The following ZNF474 variants were observed in gnomAD, a reference collection of about 807,000 sequenced individuals.
ZNF474 encodes the protein 4933409D10Rik.
For synonymous variants in ZNF474, 192 were observed against 162.2 expected (o/e 1.18, Z -1.39); for missense variants, 511 against 433.8 (o/e 1.18, Z -1.58).
rs969242314 is a variant in ZNF474 at position 122,144,622 on chromosome 5, A to G, written c.-212-7157A>G. Among the ~76,000 whole-genome samples the G allele has an allele frequency of 1.6e-4, 24 of 152,362 alleles. 1 individual carries two copies. The highest frequency in any genetic ancestry group is 5.3e-4 in the African/African-American group (22 of 41,588). On this transcript the variant is annotated intron_variant, in intron 1 of 1. Coordinates refer to ENST00000296600, the MANE Select transcript of ZNF474 (RefSeq NM_207317.3). ...ACATAGCTATGGACCAGATGTGCCTATGAGCCAATGCTTAAACAATATTGA... is the reference window on the plus strand; with the variant it reads ...ACATAGCTATGGACCAGATGTGCCTGTGAGCCAATGCTTAAACAATATTGA...
At chr5:122,133,993 C>T (rs1294367114) in intron 1 of ZNF474, among the ~76,000 whole-genome samples, 1 of 152,202 alleles carries the variant, frequency 6.6e-6, no homozygotes. Flanking sequence ...TATTTTAACT[C>T]ATTTTCCCAG....
chr5:122,142,191 C>G (rs1755862621), intron 1 of ZNF474, among the ~76,000 whole-genome samples: 1 of 152,026 alleles, frequency 6.6e-6, no homozygotes, highest in Non-Finnish European at 1.5e-5. Context: ...ACTTAAAGCT[C>G]AGATAGATAG....
Position 122,151,945 on chromosome 5 carries a change from T to C in ZNF474, c.-46T>C. 6.4e-7 allele frequency: 1 copy of C among 1,562,876 alleles called. No individual in the cohort carries two copies. The highest frequency in any genetic ancestry group is 1.2e-5 in the South Asian group (1 of 81,234). ...ACTCTAAGCAGAAGCCCAAAGTGAG[T>C]CTGGCCTGAAATCAGAGCAAGCACT... On this transcript the variant is annotated 5_prime_UTR_variant, in exon 2 of 2. Transcript: ENST00000296600.
intron 1 of ZNF474, among the ~76,000 whole-genome samples, chr5:122,142,775 T>C (rs959028034): frequency 2.6e-4 from 40 of 152,176 alleles, no homozygotes; most frequent in African/African-American, 8.9e-4. Flanking sequence ...CATAGAAGGA[T>C]GAGAGATGTG....
chr5:122,138,821 A>G (rs571061622), intron 1 of ZNF474, among the ~76,000 whole-genome samples: 2 of 152,210 alleles, frequency 1.3e-5, no homozygotes, highest in Admixed American at 1.3e-4. Flanking sequence ...CATGTGTCTG[A>G]ACAATTGGAA....
At position 122,151,750 on chromosome 5, in the gene ZNF474, C is replaced by A. The variant is rs1190205087; in HGVS notation, c.-212-29C>A. 1.0e-5 allele frequency: 4 copies of A among 382,594 alleles called. No individual in the cohort carries two copies. In the East Asian group the frequency reaches 1.5e-4, roughly 14 times the overall value. 23.7% of individuals were successfully genotyped at this position (382,594 alleles called of 1,614,324 possible). A position where few individuals can be genotyped will look rare whatever the true frequency, so the allele number is the denominator to read the frequency against. ...GTGTGTGTGTGTGTTTACATAATAA[C>A]TTCTTATGTCTCCCACCCGCCTCCA... On this transcript the variant is annotated intron_variant, in intron 1 of 1. Transcript: ENST00000296600.
At chr5:122,142,552 T>C (rs950768810) in intron 1 of ZNF474, among the ~76,000 whole-genome samples, 2 of 152,204 alleles carry the variant, frequency 1.3e-5, no homozygotes, top group African/African-American at 4.8e-5. Flanking sequence ...ACACAAAGAA[T>C]GAACGTTTCC....
At position 122,153,456 on chromosome 5, in the gene ZNF474, A is replaced by T. The variant is rs79374782; in HGVS notation, c.*371A>T. On this transcript the variant is annotated 3_prime_UTR_variant, in exon 2 of 2. Transcript: ENST00000296600. Reference sequence around the variant, plus strand: ...TTTATTTTAGTCATCTACCTTAGGAATTCATTTTTGGCAATGCTGGGTTAT... The same window carrying T: ...TTTATTTTAGTCATCTACCTTAGGATTTCATTTTTGGCAATGCTGGGTTAT... 9.9e-6 allele frequency: 2 copies of T among 202,074 alleles called. No individual in the cohort carries two copies. The highest frequency in any genetic ancestry group is 2.2e-5 in the Non-Finnish European group (2 of 91,114). The allele number at this position is 202,074 out of a possible 1,614,324, so 12.5% of individuals were successfully genotyped here.
In ZNF474 at chr5:122,132,798, G is replaced by A. The variant is rs183704608; in HGVS notation, c.-213+3115G>A. 2.4e-4 allele frequency among the ~76,000 whole-genome samples: 37 copies of A among 152,266 alleles called. No homozygotes were observed. The East Asian group carries it at 7.0e-3, about 29-fold the overall frequency. On this transcript the variant is annotated intron_variant, in intron 1 of 1. Coordinates refer to ENST00000296600, the MANE Select transcript of ZNF474 (RefSeq NM_207317.3). ...CATCAAAAATGAATTGATCATGTAT[G>A]TAAATTGACCATATGTTTCTGGACT...
intron 1 of ZNF474, among the ~76,000 whole-genome samples, chr5:122,139,501 CATG>C (rs1755783226): frequency 6.6e-6 from 1 of 152,110 alleles, no homozygotes; most frequent in South Asian, 2.1e-4. Flanking sequence ...GTCATTACTT[CATG>C]ATATTTACAG....
chr5:122,141,120 ATTTTATTTTATTTTATTTTATTTTATTT>A (rs1755829565), intron 1 of ZNF474, among the ~76,000 whole-genome samples: 1 of 30,152 alleles, frequency 3.3e-5, no homozygotes, highest in Non-Finnish European at 1.4e-4. Flanking sequence ...ATTTTATTTT[ATTTTATTTTATTTTATTTTATTTTATTT>A]TATTTTATTT....
At chr5:122,131,953 C>T (rs911625664) in intron 1 of ZNF474, among the ~76,000 whole-genome samples, 15 of 151,910 alleles carry the variant, frequency 9.9e-5, no homozygotes, top group African/African-American at 2.9e-4. Flanking sequence ...CCAACAAAGA[C>T]GTAAATATAA....
chr5:122,143,914 T>C (rs995003285), intron 1 of ZNF474, among the ~76,000 whole-genome samples: 2 of 152,202 alleles, frequency 1.3e-5, no homozygotes, highest in East Asian at 3.9e-4. Context: ...TGGGAATGTC[T>C]CCAAAAAGTT....
At chr5:122,149,022 G>T (rs907567957) in intron 1 of ZNF474, among the ~76,000 whole-genome samples, 16 of 152,054 alleles carry the variant, frequency 1.1e-4, no homozygotes, top group Non-Finnish European at 2.9e-5. Flanking sequence ...GAACCACCGC[G>T]CCCGGCCTGG....
At chr5:122,133,644 C>T (rs1407914917) in intron 1 of ZNF474, among the ~76,000 whole-genome samples, 1 of 152,162 alleles carries the variant, frequency 6.6e-6, no homozygotes, top group Non-Finnish European at 1.5e-5. Context: ...ACTGCACCCT[C>T]GACCTCCTGG....
At chr5:122,148,998 G>A (rs906734492) in intron 1 of ZNF474, among the ~76,000 whole-genome samples, 1 of 152,012 alleles carries the variant, frequency 6.6e-6, no homozygotes, top group African/African-American at 2.4e-5. Flanking sequence ...CCAAAGTGCT[G>A]GGATTACAGG....
intron 1 of ZNF474, among the ~76,000 whole-genome samples, chr5:122,143,245 A>G (rs1004991785): frequency 1.2e-4 from 18 of 152,108 alleles, no homozygotes; most frequent in African/African-American, 3.9e-4. Context: ...TTCATGCACA[A>G]CTTTATTCTT....
chr5:122,149,903 G>GTGTGTGTGTT (rs1554065384), intron 1 of ZNF474, among the ~76,000 whole-genome samples: 11 of 151,048 alleles, frequency 7.3e-5, no homozygotes, highest in African/African-American at 2.7e-4. Flanking sequence ...GTGTGTGTGT[G>GTGTGTGTGTT]TGTGTGTGTG....
At position 122,152,476 on chromosome 5, in the gene ZNF474, G is replaced by C; in HGVS notation, c.486G>C (p.Gln162His). 4 of 1,614,182 alleles carry C rather than the reference G, an allele frequency of 2.5e-6. No homozygotes were observed. The highest frequency in any genetic ancestry group is 3.4e-6 in the Non-Finnish European group (4 of 1,180,032). ...ATNEAAFQSAQAQLLPCESCG... is the reference protein window; with the variant it reads ...ATNEAAFQSAHAQLLPCESCG... ...ACGAGGCTGCATTTCAGAGTGCCCAGGCTCAGCTGCTGCCCTGTGAATCCT... is the reference window on the plus strand; with the variant it reads ...ACGAGGCTGCATTTCAGAGTGCCCACGCTCAGCTGCTGCCCTGTGAATCCT... The change falls in exon 2 of 2, where the codon CAG becomes CAC. Residue 162 changes from glutamine to histidine, a missense_variant. Transcript: ENST00000296600.
Sources: gnomAD v4.1 joint callset for allele counts (sites outside exome capture counted in the v4.1 genomes callset) on GRCh38, gnomAD v4.1.1 for gene constraint, MANE v1.5 for transcripts, NCBI Gene and HGNC (gene_info 2026-07-23, HGNC 2026-07-21) for gene names.